SLC22A13: variants seen among roughly 807,000 people sequenced by gnomAD.
SLC22A13 encodes the protein organic anion transporter 10.
A neutral mutation model predicts 49.1 loss-of-function variants in SLC22A13; 42 were observed. That is an observed-to-expected ratio of 0.85 (90% confidence interval 0.67 to 1.11). The LOEUF is 1.11. SLC22A13 is among the 50% of genes least tolerant of loss of function. SLC22A13 has a pLI of 0.00. For missense variants in SLC22A13, 694 were observed against 712.8 expected (o/e 0.97, Z 0.30); for synonymous variants, 282 against 293.1 (o/e 0.96, Z 0.39).
At chr3:38,274,865 T>G in intron 3 of SLC22A13, 107 bp downstream of exon 3, 1 of 1,543,860 alleles carries the variant, frequency 6.5e-7, no homozygotes, top group Non-Finnish European at 8.8e-7. Flanking sequence ...ACCCCACATC[T>G]GAAGTGGTCG....
rs771544152 is a variant in SLC22A13, at chr3:38,274,599, C to T, written c.483-5C>T. 20 of 1,612,994 alleles carry T rather than the reference C, an allele frequency of 1.2e-5. No homozygotes were observed. The highest frequency in any genetic ancestry group is 1.6e-5 in the Non-Finnish European group (19 of 1,179,654). On this transcript the variant is annotated splice_region_variant and splice_polypyrimidine_tract_variant and intron_variant, in intron 2 of 9. Coordinates refer to ENST00000311856, the MANE Select transcript of SLC22A13 (RefSeq NM_004256.4). ...CCTCCCCACAGACCTGCCCTGTTTC[C>T]TCAGGATTGGCCGCAAGGCCACAAT...
At chr3:38,270,786 T>C (rs893861484) in intron 1 of SLC22A13, 4 of 156,098 alleles carry the variant, frequency 2.6e-5, no homozygotes, top group African/African-American at 9.6e-5. Flanking sequence ...TAGTTTTGTA[T>C]TTACTTTAAA....
rs747763979 is a variant in SLC22A13 at position 38,275,422 on chromosome 3, G to A, written c.859G>A (p.Ala287Thr). The A allele has an allele frequency of 2.4e-5, 39 of 1,614,108 alleles. No individual in the cohort carries two copies. The highest frequency in any genetic ancestry group is 1.3e-4 in the African/African-American group (10 of 74,938). The change falls in exon 5 of 10, where the codon GCG (alanine) becomes ACG (threonine). Residue 287 changes from alanine (A) to threonine (T), a missense_variant. Ala to Thr is a moderately conservative substitution (Grantham distance 58). Coordinates refer to ENST00000311856, the MANE Select transcript of SLC22A13 (RefSeq NM_004256.4). ...WLLTRGRMDE[A>T]IQLIQKAASV... The stretch of plus-strand genomic sequence containing the variant: ...CCTGACCCGTGGGAGGATGGACGAG[G>A]CGATACAACTGATCCAGAAGGCGGC...
At chr3:38,269,113 G>A (rs1009258012) in intron 1 of SLC22A13, among the ~76,000 whole-genome samples, 2 of 152,138 alleles carry the variant, frequency 1.3e-5, no homozygotes, top group South Asian at 2.1e-4. Flanking sequence ...CAGAACAAAC[G>A]AGTACTGATC....
intron 8 of SLC22A13, 91 bp from the exon 9 acceptor site, chr3:38,276,821 G>C (rs2125864472): frequency 8.7e-7 from 1 of 1,155,104 alleles, no homozygotes; most frequent in Admixed American, 2.0e-5. Context: ...AGACCTTTGA[G>C]GTCTGGACTC....
Position 38,276,962 on chromosome 3 carries a change from T to G in SLC22A13, c.1397T>G (p.Leu466Arg). The G allele has an allele frequency of 6.2e-7, 1 of 1,613,824 alleles. No individual in the cohort carries two copies. The highest frequency in any genetic ancestry group is 8.5e-7 in the Non-Finnish European group (1 of 1,179,940). The change falls in exon 9 of 10, where the codon CTC becomes CGC. Residue 466 changes from leucine to arginine, a missense_variant. Physicochemically the swap from Leu to Arg is moderately radical, Grantham distance 102. Transcript: ENST00000311856. ...ATCTTCTCACGGATCGGGGGCATCC[T>G]CACACCACTTGTGATCCTGCTGGGA... ...VGIFSRIGGILTPLVILLGEY... is the reference protein window; with the variant it reads ...VGIFSRIGGIRTPLVILLGEY...
At chr3:38,273,325 G>T (rs1241934940) in intron 1 of SLC22A13, among the ~76,000 whole-genome samples, 2 of 152,124 alleles carry the variant, frequency 1.3e-5, no homozygotes. Context: ...GTCTTGGGTG[G>T]ATTAGCATTC....
chr3:38,266,183 C>T lies in SLC22A13; in HGVS notation c.323C>T (p.Pro108Leu). 6.2e-7 allele frequency: 1 copy of T among 1,614,208 alleles called. No homozygotes were observed. The highest frequency in any genetic ancestry group is 8.5e-7 in the Non-Finnish European group (1 of 1,180,044). ...ILSHRFNETQ[P>L]CDMGWEYPEN... Reference sequence around the variant, plus strand: ...AGCCACCGCTTCAATGAGACGCAGCCTTGTGATATGGGCTGGGAATATCCT... The same window carrying T: ...AGCCACCGCTTCAATGAGACGCAGCTTTGTGATATGGGCTGGGAATATCCT... The change falls in exon 1 of 10, where the codon CCT becomes CTT. Residue 108 changes from proline to leucine, a missense_variant. By Grantham distance (98) the Pro-to-Leu change is moderately conservative. Transcript: ENST00000311856.
chr3:38,266,353 C>A, intron 1 of SLC22A13, 115 bp downstream of exon 1: 1 of 1,171,858 alleles, frequency 8.5e-7, no homozygotes, highest in African/African-American at 1.5e-5. Flanking sequence ...TATGGTCAAC[C>A]ATGGGCACAT....
chr3:38,267,994 T>A (rs2125862200), intron 1 of SLC22A13, among the ~76,000 whole-genome samples: 1 of 152,314 alleles, frequency 6.6e-6, no homozygotes, highest in Middle Eastern at 3.4e-3. Context: ...ATTAGATGGA[T>A]GTTTTCAAGG....
chr3:38,271,838 A>C (rs751199079), intron 1 of SLC22A13, among the ~76,000 whole-genome samples: 10 of 152,190 alleles, frequency 6.6e-5, no homozygotes, highest in Non-Finnish European at 1.2e-4. Flanking sequence ...TTTCTCCTAG[A>C]GGCCAAAGGG....
In SLC22A13 at chr3:38,275,614, C is replaced by T; in HGVS notation, c.964C>T (p.Leu322=). The T allele has an allele frequency of 6.2e-7, 1 of 1,614,212 alleles. No homozygotes were observed. The part of the protein sequence containing the change: ...PEKTGPSGNA[L]DLFRHPQLRK... Reference sequence around the variant, plus strand: ...GAAGACAGGCCCCTCAGGGAATGCCCTGGATCTGTTCAGACACCCCCAGCT... The same window carrying T: ...GAAGACAGGCCCCTCAGGGAATGCCTTGGATCTGTTCAGACACCCCCAGCT... The change falls in exon 6 of 10, where the codon CTG becomes TTG. Residue 322 remains leucine (L), a synonymous_variant. Transcript: ENST00000311856.
In SLC22A13 at chr3:38,275,006, C is replaced by A. The variant is rs770664401; in HGVS notation, c.655C>A (p.Pro219Thr). 1 of 1,614,160 alleles carries A rather than the reference C, an allele frequency of 6.2e-7. No homozygotes were observed. Among genetic ancestry groups the A allele is most frequent in the South Asian group, 1.1e-5 (1 of 91,092 alleles). The change falls in exon 4 of 10, where the codon CCC (proline) becomes ACC (threonine). Residue 219 changes from proline to threonine, a missense_variant. Physicochemically the swap from Pro to Thr is conservative, Grantham distance 38 (BLOSUM62 -1). Coordinates refer to ENST00000311856, the MANE Select transcript of SLC22A13 (RefSeq NM_004256.4). ...TGCCACAGTGACAGAATGGGTGGGG[C>A]CCTCATGGAGGACGCAGGCCGTGGT... ...NVTLLTEWVG[P>T]SWRTQAVVLA... is the part of the protein sequence containing the mutation.
chr3:38,267,158 C>T (rs1294289563), intron 1 of SLC22A13, among the ~76,000 whole-genome samples: 1 of 152,232 alleles, frequency 6.6e-6, no homozygotes, highest in Non-Finnish European at 1.5e-5. Context: ...TTCCCCACCC[C>T]ATGGCTGAAA....
chr3:38,274,855 A>G, intron 3 of SLC22A13, 97 bp downstream of exon 3: 1 of 1,532,224 alleles, frequency 6.5e-7, no homozygotes, highest in Non-Finnish European at 8.9e-7. Context: ...CTTTTCAGGT[A>G]CCCCACATCT....
chr3:38,266,814 G>A (rs1160693291), intron 1 of SLC22A13, among the ~76,000 whole-genome samples: 1 of 152,202 alleles, frequency 6.6e-6, no homozygotes, highest in Non-Finnish European at 1.5e-5. Context: ...GTTCATTCTT[G>A]CTAACTTCAT....
chr3:38,266,422 GTC>G (rs1389606886), intron 1 of SLC22A13, among the ~76,000 whole-genome samples, 184 bp downstream of exon 1: 1 of 152,120 alleles, frequency 6.6e-6, no homozygotes, highest in Non-Finnish European at 1.5e-5. Context: ...TGACCCATCT[GTC>G]TGTCATCTTC....
intron 1 of SLC22A13, among the ~76,000 whole-genome samples, chr3:38,268,005 A>G (rs11926927): frequency 0.036 from 5,515 of 152,224 alleles, 116 homozygotes; most frequent in Middle Eastern, 0.12. Flanking sequence ...GTTTTCAAGG[A>G]TTTGGGACCT....
At chr3:38,270,098 T>G (rs1703504637) in intron 1 of SLC22A13, among the ~76,000 whole-genome samples, 1 of 152,186 alleles carries the variant, frequency 6.6e-6, no homozygotes, top group Admixed American at 6.5e-5. Flanking sequence ...GTGCCACATT[T>G]TCTTAATCCA....
Sources: allele counts gnomAD v4.1 joint callset (sites outside exome capture counted in the v4.1 genomes callset), GRCh38; gene constraint gnomAD v4.1.1; transcripts MANE v1.5; gene names NCBI Gene and HGNC (gene_info 2026-07-23, HGNC 2026-07-21).